Variants in NOTCH4 observed in about 807,000 individuals in gnomAD.
NOTCH4 encodes the protein notch receptor 4.
In NOTCH4, 138 loss-of-function variants were observed where a neutral mutation model predicts 189.0. The observed-to-expected ratio is 0.73, with a 90% confidence interval of 0.64 to 0.84. NOTCH4 has a LOEUF of 0.84. Among genes scored for constraint, NOTCH4 ranks in the 40% least tolerant of loss-of-function variants. The pLI is 0.00. For synonymous variants in NOTCH4, 942 were observed against 1,032.8 expected (o/e 0.91, Z 1.69); for missense variants, 2,286 against 2,605.4 (o/e 0.88, Z 2.67).
chr6:32,215,169 T>C (rs1789318074), intron 12 of NOTCH4, 57 bp downstream of exon 12: 5 of 1,449,078 alleles, frequency 3.5e-6, no homozygotes, highest in Non-Finnish European at 4.6e-6. Flanking sequence ...TCTTCTCCTG[T>C]CCTAGCGAAG....
At chr6:32,223,358 G>A (rs537303889) in intron 1 of NOTCH4, among the ~76,000 whole-genome samples, 1 of 152,186 alleles carries the variant, frequency 6.6e-6, no homozygotes, top group African/African-American at 2.4e-5. Flanking sequence ...AGACAACAGG[G>A]GTCAGAAGAG....
At chr6:32,213,284 C>A (rs761271762) in intron 14 of NOTCH4, 32 bp from the exon 15 acceptor site, 1 of 1,508,762 alleles carries the variant, frequency 6.6e-7, no homozygotes, top group South Asian at 1.1e-5. Flanking sequence ...GGTTTGGGTT[C>A]CTTGCCTGTA....
chr6:32,212,569 G>A lies in NOTCH4; in HGVS notation c.2585C>T (p.Thr862Ile), dbSNP rs866882696. ...PCPRNSHCLQ[T>I]GPSFHCLCLQ... ...GCACAAGCAGTGGAAGGAGGGCCCA[G>A]TCTGGAGGCAGTGGGAATTGCGTGG... The change falls in exon 17 of 30, where the codon ACT becomes ATT. Residue 862 changes from threonine to isoleucine, a missense_variant. Physicochemically the swap from Thr to Ile is moderately conservative, Grantham distance 89 (BLOSUM62 -1). Around this residue, in one of 2 missense-constraint regions of NOTCH4, gnomAD observed 1,903 missense variants for 2,261.9 expected, o/e 0.84. Transcript: ENST00000375023. The surrounding 1 kb of genome is among the most constrained non-coding windows in gnomAD (Gnocchi z 4.4). 1 of 1,613,232 alleles carries A rather than the reference G, an allele frequency of 6.2e-7. No individual in the cohort carries two copies. Among genetic ancestry groups the A allele is most frequent in the Non-Finnish European group, 8.5e-7 (1 of 1,179,984 alleles).
rs762162672 is a variant in NOTCH4, at chr6:32,212,588, T to A, written c.2566A>T (p.Asn856Tyr). The change falls in exon 17 of 30, where the codon AAT (asparagine) becomes TAT (tyrosine). Residue 856 changes from asparagine to tyrosine, a missense_variant. Physicochemically the swap from Asn to Tyr is moderately radical, Grantham distance 143. Around this residue, in one of 2 missense-constraint regions of NOTCH4, gnomAD observed 1,903 missense variants for 2,261.9 expected, o/e 0.84. Coordinates refer to ENST00000375023, the MANE Select transcript of NOTCH4 (RefSeq NM_004557.4). The surrounding 1 kb of genome is among the most constrained non-coding windows in gnomAD (Gnocchi z 4.4). ...DLCAQKPCPR[N>Y]SHCLQTGPSF... is the part of the protein sequence containing the mutation. ...GGCCCAGTCTGGAGGCAGTGGGAAT[T>A]GCGTGGGCAGGGCTTCTGGGCACAT... 1 of 1,612,990 alleles carries A rather than the reference T, an allele frequency of 6.2e-7. No individual in the cohort carries two copies. Among genetic ancestry groups the A allele is most frequent in the Non-Finnish European group, 8.5e-7 (1 of 1,179,922 alleles).
chr6:32,209,008 A>G (rs1435925193), intron 18 of NOTCH4, among the ~76,000 whole-genome samples: 3 of 152,274 alleles, frequency 2.0e-5, no homozygotes, highest in Non-Finnish European at 2.9e-5. Flanking sequence ...CTGAAGTGCC[A>G]TCAACAAATG....
In NOTCH4 at chr6:32,212,460, C is replaced by T. The variant is rs2127477045; in HGVS notation, c.2680+14G>A. The T allele has an allele frequency of 1.9e-6, 3 of 1,595,068 alleles. No homozygotes were observed. Among genetic ancestry groups the T allele is most frequent in the South Asian group, 1.1e-5 (1 of 88,498 alleles). On this transcript the variant is annotated intron_variant, in intron 17 of 29. Transcript: ENST00000375023. The surrounding 1 kb of genome is among the most constrained non-coding windows in gnomAD (Gnocchi z 4.4). Reference sequence around the variant, plus strand: ...TTCTTCATTTGCTCTCCAGTCAGTGCCGGCGTTGGTTACCTTGGCTCAGTG... The same window carrying T: ...TTCTTCATTTGCTCTCCAGTCAGTGTCGGCGTTGGTTACCTTGGCTCAGTG...
rs9380284 is a variant in NOTCH4 at position 32,197,891 on chromosome 6, G to A, written c.4757-297C>T. On this transcript the variant is annotated intron_variant, in intron 26 of 29. Coordinates refer to ENST00000375023, the MANE Select transcript of NOTCH4 (RefSeq NM_004557.4). ...GGCTGGAGTGCAGTGGCGCGATCTC[G>A]GCTCACTGCAAGCTCCTCCTCCCAG... Among the ~76,000 whole-genome samples the A allele has an allele frequency of 3.6e-3, 530 of 148,442 alleles. 26 individuals carry two copies. In the East Asian group the frequency reaches 0.1, roughly 29 times the overall value.
At position 32,202,222 on chromosome 6, in the gene NOTCH4, G is replaced by A. The variant is rs372340995; in HGVS notation, c.3609C>T (p.Cys1203=). The change falls in exon 21 of 30, where the codon TGC becomes TGT. Residue 1203 remains cysteine, a synonymous_variant. Transcript: ENST00000375023. The surrounding 1 kb of genome is among the most constrained non-coding windows in gnomAD (Gnocchi z 5.7). ...GPGGNWDGGD[C]SLGVPDPWKG... Reference sequence around the variant, plus strand: ...TCCAGGGGTCTGGGACTCCCAGAGAGCAGTCCCCTCCATCCCAGTTTCCTC... The same window carrying A: ...TCCAGGGGTCTGGGACTCCCAGAGAACAGTCCCCTCCATCCCAGTTTCCTC... The A allele has an allele frequency of 5.2e-6, 8 of 1,551,738 alleles. No homozygotes were observed. In the African/African-American group the frequency reaches 6.9e-5, roughly 13 times the overall value.
Position 32,198,383 on chromosome 6 carries a change from C to CTTTTT in NOTCH4, c.4756+33_4756+37dup. 3 of 1,241,900 alleles carry CTTTTT rather than the reference C, an allele frequency of 2.4e-6. No individual in the cohort carries two copies. The highest frequency in any genetic ancestry group is 2.3e-5 in the Admixed American group (1 of 42,702). 76.9% of individuals were successfully genotyped at this position (1,241,900 alleles called of 1,614,324 possible). On this transcript the variant is annotated intron_variant, in intron 26 of 29. Coordinates refer to ENST00000375023, the MANE Select transcript of NOTCH4 (RefSeq NM_004557.4). This position sits in a 1 kb window ranked among gnomAD's most constrained non-coding sequence, Gnocchi z 5.5. ...CTCTGATTCTAATAGGGTCAAAGGA[C>CTTTTT]TTTTTTTTTTTTTCTTGGTCTGGGT...
rs770348944 is a variant in NOTCH4 at position 32,213,249 on chromosome 6, G to A, written c.2324C>T (p.Pro775Leu). 7.4e-6 allele frequency: 12 copies of A among 1,611,154 alleles called. No homozygotes were observed. The highest frequency in any genetic ancestry group is 4.4e-5 in the South Asian group (4 of 90,962). Reference sequence around the variant, plus strand: ...CACACAGGTACCCCCATTGAAGCACGGGGCTGGAGAGAGGAGGCTGTGAGG... The same window carrying A: ...CACACAGGTACCCCCATTGAAGCACAGGGCTGGAGAGAGGAGGCTGTGAGG... ...QTSTDYCVSA[P>L]CFNGGTCVNR... The change falls in exon 15 of 30, where the codon CCG becomes CTG. Residue 775 changes from proline to leucine, a missense_variant. By Grantham distance (98) the Pro-to-Leu change is moderately conservative. Around this residue, in one of 2 missense-constraint regions of NOTCH4, gnomAD observed 1,903 missense variants for 2,261.9 expected, o/e 0.84. Coordinates refer to ENST00000375023, the MANE Select transcript of NOTCH4 (RefSeq NM_004557.4).
At chr6:32,213,603 T>C (rs1789169740) in intron 14 of NOTCH4, 85 bp downstream of exon 14, 1 of 1,493,372 alleles carries the variant, frequency 6.7e-7, no homozygotes, top group Admixed American at 2.1e-5. Flanking sequence ...TTCAATTAAA[T>C]TTTAAAAAAT....
Position 32,195,429 on chromosome 6 carries a change from G to A in NOTCH4, c.*8C>T, listed in dbSNP as rs1412239894. On this transcript the variant is annotated 3_prime_UTR_variant, in exon 30 of 30. Transcript: ENST00000375023. The surrounding 1 kb of genome is among the most constrained non-coding windows in gnomAD (Gnocchi z 5.4). ...CATTTTTGGAATTCCTCCCTACCATGTATTCTTCTATTTTTTACCCTCTCC... is the reference window on the plus strand; with the variant it reads ...CATTTTTGGAATTCCTCCCTACCATATATTCTTCTATTTTTTACCCTCTCC... 8.3e-6 allele frequency: 13 copies of A among 1,571,768 alleles called. No individual in the cohort carries two copies. In the East Asian group the frequency reaches 2.2e-4, roughly 27 times the overall value.
chr6:32,199,428 G>T lies in NOTCH4; in HGVS notation c.4316-283C>A, dbSNP rs973145547. 6.6e-6 allele frequency among the ~76,000 whole-genome samples: 1 copy of T among 152,206 alleles called. No homozygotes were observed. Among genetic ancestry groups the T allele is most frequent in the South Asian group, 2.1e-4 (1 of 4,820 alleles). ...CTAAAAATATAAAAATTAGTGGCTG[G>T]GTGTAGTGGCTTACTCCTATAATCT... On this transcript the variant is annotated intron_variant, in intron 23 of 29. Transcript: ENST00000375023. The surrounding 1 kb of genome is among the most constrained non-coding windows in gnomAD (Gnocchi z 4.9).
At chr6:32,213,310 T>A in intron 14 of NOTCH4, 58 bp from the exon 15 acceptor site, 5 of 1,140,256 alleles carry the variant, frequency 4.4e-6, no homozygotes, top group Non-Finnish European at 5.3e-6. Context: ...GCCTGTGACC[T>A]CAGTCACACT....
chr6:32,210,687 A>C lies in NOTCH4; in HGVS notation c.2865+65T>G. Reference sequence around the variant, plus strand: ...GGATACATTGGGTCTTCCCTCAGTCACTACTGTCTCTCCCATCCAGCCCAC... The same window carrying C: ...GGATACATTGGGTCTTCCCTCAGTCCCTACTGTCTCTCCCATCCAGCCCAC... On this transcript the variant is annotated intron_variant, in intron 18 of 29. Transcript: ENST00000375023. The surrounding 1 kb of genome is among the most constrained non-coding windows in gnomAD (Gnocchi z 4.8). The C allele has an allele frequency of 6.7e-7, 1 of 1,499,746 alleles. No individual in the cohort carries two copies. The highest frequency in any genetic ancestry group is 9.2e-7 in the Non-Finnish European group (1 of 1,082,382). The allele number at this position is 1,499,746 out of a possible 1,614,324, so 92.9% of individuals were successfully genotyped here. A position where few individuals can be genotyped will look rare whatever the true frequency, so the allele number is the denominator to read the frequency against.
intron 18 of NOTCH4, among the ~76,000 whole-genome samples, chr6:32,205,176 T>G (rs1463807384): frequency 6.6e-6 from 1 of 151,388 alleles, no homozygotes; most frequent in Non-Finnish European, 1.5e-5. Context: ...AAAAGGGAAT[T>G]CACAGAGAAT....
intron 27 of NOTCH4, 79 bp from the exon 28 acceptor site, chr6:32,197,151 G>T (rs1194024472): frequency 9.0e-6 from 14 of 1,548,676 alleles, no homozygotes; most frequent in Non-Finnish European, 1.2e-5. Flanking sequence ...AACCCCACTC[G>T]CAATCCATAT....
rs1789064528 is a variant in NOTCH4 at position 32,212,214 on chromosome 6, G to A, written c.2680+260C>T. ...CTCCACGTTGAGTCATGTCCCTCAT[G>A]GTTGGGTTAAACTGGAATCCTGTGG... On this transcript the variant is annotated intron_variant, in intron 17 of 29. Transcript: ENST00000375023. The surrounding 1 kb of genome is among the most constrained non-coding windows in gnomAD (Gnocchi z 4.4). 6.6e-6 allele frequency among the ~76,000 whole-genome samples: 1 copy of A among 152,146 alleles called. No individual in the cohort carries two copies. Among genetic ancestry groups the A allele is most frequent in the Admixed American group, 6.5e-5 (1 of 15,274 alleles).
At chr6:32,216,894 C>G in intron 11 of NOTCH4, 51 bp downstream of exon 11, 1 of 1,609,712 alleles carries the variant, frequency 6.2e-7, no homozygotes. Flanking sequence ...TGCCCCAACC[C>G]AAATGGAATA....
Sources: allele counts gnomAD v4.1 joint callset (sites outside exome capture counted in the v4.1 genomes callset), GRCh38; gene constraint gnomAD v4.1.1; regional missense constraint gnomAD v4.1.1; non-coding constraint Gnocchi (gnomAD v3.1); transcripts MANE v1.5; gene names NCBI Gene and HGNC (gene_info 2026-07-23, HGNC 2026-07-21).